Variants in ZNF131 observed in about 807,000 individuals in gnomAD.
ZNF131 encodes the protein zinc finger and BTB domain containing 35, also known as zinc finger protein 131.
ZNF131 carries 7 observed loss-of-function variants against 60.0 expected under a neutral mutation model. That is an observed-to-expected ratio of 0.12 (90% CI 0.07 to 0.22). The LOEUF (loss-of-function observed/expected upper bound fraction) is 0.22. Among genes scored for constraint, ZNF131 ranks in the 10% least tolerant of loss-of-function variants. The probability of loss-of-function intolerance (pLI) is 1.00; values close to 1 mark genes in which losing one functional copy is unlikely to be tolerated. For missense variants in ZNF131, 493 were observed against 740.9 expected, an observed-to-expected ratio of 0.67 and a Z score of 3.88; for synonymous variants, 257 against 253.2, an observed-to-expected ratio of 1.01 and a Z score of -0.14.
chr5:43,171,816 C>G (rs369010326), intron 5 of ZNF131, among the ~76,000 whole-genome samples: 1 of 152,236 alleles, frequency 6.6e-6, no homozygotes, highest in South Asian at 2.1e-4. Flanking sequence ...GTCGGAGATT[C>G]GCAGTGTTGG....
At chr5:43,121,788 T>G in intron 1 of ZNF131, 1 of 287,842 alleles carries the variant, frequency 3.5e-6, no homozygotes, top group Non-Finnish European at 6.5e-6. Flanking sequence ...TCCGGCGCTG[T>G]GCCCACCCCG....
intron 3 of ZNF131, among the ~76,000 whole-genome samples, chr5:43,134,693 CTTTTTTTTTTTTTT>C (rs149464238): frequency 1.1e-5 from 1 of 88,408 alleles, no homozygotes; most frequent in African/African-American, 4.5e-5. Flanking sequence ...TTCTTTTTTT[CTTTTTTTTTTTTTT>C]TTTTTTTTGG....
chr5:43,172,807 CT>C (rs1424777757), intron 5 of ZNF131, among the ~76,000 whole-genome samples: 3 of 152,064 alleles, frequency 2.0e-5, no homozygotes, highest in Non-Finnish European at 4.4e-5. Context: ...TTCCATCGCT[CT>C]TTTCTGTGAC....
At chr5:43,171,802 TAG>T (rs1019657895) in intron 5 of ZNF131, among the ~76,000 whole-genome samples, 7 of 152,142 alleles carry the variant, frequency 4.6e-5, no homozygotes, top group African/African-American at 1.7e-4. Flanking sequence ...GTATTTTTGG[TAG>T]AGTCGGAGAT....
rs766470824 is a variant in ZNF131 at position 43,175,035 on chromosome 5, C to G, written c.1774C>G (p.His592Asp). 1 of 1,614,112 alleles carries G rather than the reference C, an allele frequency of 6.2e-7. No homozygotes were observed. Among genetic ancestry groups the G allele is most frequent in the East Asian group, 2.2e-5 (1 of 44,890 alleles). The change falls in exon 7 of 7, where the codon CAC (histidine) becomes GAC (aspartate). Residue 592 changes from histidine (H) to aspartate (D), a missense_variant. This residue lies in a region of ZNF131 where 202 missense variants were observed against 221.3 expected (regional missense o/e 0.91). Coordinates refer to ENST00000682664, the MANE Select transcript of ZNF131 (RefSeq NM_001330707.2). Reference protein sequence around the residue: ...ADAAEAAREDHEDAEDLETKP... With the variant: ...ADAAEAAREDDEDAEDLETKP... ...TGCTGCTGAGGCTGCCAGGGAAGAT[C>G]ACGAAGATGCTGAGGATTTAGAGAC...
Position 43,161,580 on chromosome 5 carries a change from T to A in ZNF131, c.703T>A (p.Cys235Ser). The change falls in exon 5 of 7, where the codon TGT (cysteine) becomes AGT (serine). Residue 235 changes from cysteine (C) to serine (S), a missense_variant. Cys to Ser is a moderately radical substitution (Grantham distance 112, BLOSUM62 -1). Around this residue, in one of 7 missense-constraint regions of ZNF131, gnomAD observed 138 missense variants for 158.7 expected, o/e 0.87. Transcript: ENST00000682664. Reference protein sequence around the residue: ...DRKGQIKEDGCPSDPTSKQVE... With the variant: ...DRKGQIKEDGSPSDPTSKQVE... ...AAAAGGGCAGATTAAAGAAGATGGC[T>A]GTCCATCTGACCCCACGAGCAAACA... 4 of 1,614,256 alleles carry A rather than the reference T, an allele frequency of 2.5e-6. No individual in the cohort carries two copies. Among genetic ancestry groups the A allele is most frequent in the Non-Finnish European group, 3.4e-6 (4 of 1,180,052 alleles).
Position 43,175,688 on chromosome 5 carries a change from AAG to A in ZNF131, c.*558_*559del. On this transcript the variant is annotated 3_prime_UTR_variant, in exon 7 of 7. Transcript: ENST00000682664. Reference sequence around the variant, plus strand: ...TCACAGATGCCATCTTTGCAACAGAAAGAGTGGTGGTGGCAAAATTTCTAGAA... The same window carrying A: ...TCACAGATGCCATCTTTGCAACAGAAAGTGGTGGTGGCAAAATTTCTAGAA... The A allele has an allele frequency of 2.6e-6, 1 of 378,356 alleles. No individual in the cohort carries two copies. Among genetic ancestry groups the A allele is most frequent in the Middle Eastern group, 4.3e-4 (1 of 2,300 alleles). 23.4% of individuals were successfully genotyped at this position (378,356 alleles called of 1,614,324 possible). A position where few individuals can be genotyped will look rare whatever the true frequency, so the allele number is the denominator to read the frequency against.
intron 3 of ZNF131, among the ~76,000 whole-genome samples, chr5:43,136,486 T>C (rs1407174538): frequency 1.2e-5 from 1 of 86,190 alleles, no homozygotes; most frequent in African/African-American, 4.4e-5. Flanking sequence ...CTTTTTTTTT[T>C]TTTTTTTTTT....
At chr5:43,165,036 G>A (rs1313996591) in intron 5 of ZNF131, among the ~76,000 whole-genome samples, 6 of 151,942 alleles carry the variant, frequency 3.9e-5, no homozygotes, top group Admixed American at 2.6e-4. Context: ...CTGCAGTCTC[G>A]ACCTCCTGGG....
At chr5:43,153,363 G>T (rs1326073659) in intron 4 of ZNF131, among the ~76,000 whole-genome samples, 1 of 148,744 alleles carries the variant, frequency 6.7e-6, no homozygotes, top group Non-Finnish European at 1.5e-5. Flanking sequence ...GGTGGTTAAC[G>T]CCTGTAATCC....
intron 4 of ZNF131, among the ~76,000 whole-genome samples, chr5:43,156,505 T>A (rs1372853733): frequency 6.6e-6 from 1 of 152,050 alleles, no homozygotes; most frequent in Non-Finnish European, 1.5e-5. Context: ...TAAGGCACAT[T>A]TACTTTTGGT....
chr5:43,175,249 C>A lies in ZNF131; in HGVS notation c.*116C>A. ...AAGTGGACCAAAGTTAAGCTGTTTC[C>A]TGTTGTGCTGAACTGTTGTCCGTTG... is the stretch of plus-strand genomic sequence containing the variant. On this transcript the variant is annotated 3_prime_UTR_variant, in exon 7 of 7. Transcript: ENST00000682664. The A allele has an allele frequency of 9.4e-7, 1 of 1,059,932 alleles. No homozygotes were observed. The highest frequency in any genetic ancestry group is 1.3e-6 in the Non-Finnish European group (1 of 746,712). 65.7% of individuals were successfully genotyped at this position (1,059,932 alleles called of 1,614,324 possible). A position where few individuals can be genotyped will look rare whatever the true frequency, so the allele number is the denominator to read the frequency against.
Position 43,174,973 on chromosome 5 carries a change from T to G in ZNF131, c.1712T>G (p.Ile571Ser), listed in dbSNP as rs1357534649. 5.6e-6 allele frequency: 9 copies of G among 1,613,748 alleles called. No individual in the cohort carries two copies. Among genetic ancestry groups the G allele is most frequent in the Non-Finnish European group, 7.6e-6 (9 of 1,180,000 alleles). Residue 571 changes from isoleucine (I) to serine (S), a missense_variant, in exon 7 of 7, where the codon ATC becomes AGC. Coordinates refer to ENST00000682664, the MANE Select transcript of ZNF131 (RefSeq NM_001330707.2). ...GATTTGGACCACGTGACCCCAGAAA[T>G]CATGAACCAAGAGGAGAGAGAGTCT... ...EADLDHVTPE[I>S]MNQEERESSQ... is the part of the protein sequence containing the mutation.
At chr5:43,160,483 G>A (rs1749546802) in intron 4 of ZNF131, among the ~76,000 whole-genome samples, 2 of 152,236 alleles carry the variant, frequency 1.3e-5, no homozygotes, top group South Asian at 4.2e-4. Flanking sequence ...CTGGGTGAGA[G>A]AATGAGAAAT....
intron 5 of ZNF131, among the ~76,000 whole-genome samples, chr5:43,162,318 G>A (rs754922079): frequency 2.0e-5 from 3 of 152,140 alleles, no homozygotes; most frequent in Non-Finnish European, 4.4e-5. Flanking sequence ...ACAGCCAGGC[G>A]CGGTGGCTCA....
At chr5:43,141,782 C>A (rs1311359360) in intron 4 of ZNF131, among the ~76,000 whole-genome samples, 2 of 143,598 alleles carry the variant, frequency 1.4e-5, no homozygotes, top group East Asian at 2.1e-4. Context: ...AAAAAAAAAA[C>A]TGGAATTCCA....
intron 5 of ZNF131, among the ~76,000 whole-genome samples, chr5:43,163,956 C>T (rs906165200): frequency 6.6e-6 from 1 of 152,130 alleles, no homozygotes; most frequent in Non-Finnish European, 1.5e-5. Flanking sequence ...TCCAAACTTA[C>T]TGTCAGTATT....
chr5:43,159,695 CAAAA>C (rs35599400), intron 4 of ZNF131, among the ~76,000 whole-genome samples: 4 of 93,404 alleles, frequency 4.3e-5, no homozygotes, highest in Non-Finnish European at 8.1e-5. Context: ...TACTCTGTCT[CAAAA>C]AAAAAAAAAA....
intron 4 of ZNF131, among the ~76,000 whole-genome samples, chr5:43,153,860 G>A (rs1373099431): frequency 6.6e-6 from 1 of 152,190 alleles, no homozygotes; most frequent in East Asian, 1.9e-4. Flanking sequence ...ATCATTTTGA[G>A]TCATTGTTTG....
Sources: gnomAD v4.1 joint callset for allele counts (sites outside exome capture counted in the v4.1 genomes callset) on GRCh38, gnomAD v4.1.1 for gene constraint, gnomAD v4.1.1 regional missense constraint, MANE v1.5 for transcripts, NCBI Gene and HGNC (gene_info 2026-07-23, HGNC 2026-07-21) for gene names.